Variants in CADPS2 observed in about 807,000 individuals in gnomAD.
CADPS2 encodes calcium-dependent secretion activator 2.
A neutral mutation model predicts 172.5 loss-of-function variants in CADPS2; 93 were observed. That is an observed-to-expected ratio of 0.54 (90% CI 0.46 to 0.64). CADPS2 has a LOEUF of 0.64. CADPS2 is among the 30% of genes least tolerant of loss of function. The probability of loss-of-function intolerance (pLI) is 0.00; values close to 1 mark genes in which losing one functional copy is unlikely to be tolerated. For missense variants in CADPS2, 1,420 were observed against 1,565.9 expected (o/e 0.91, Z 1.57); for synonymous variants, 546 against 555.2 (o/e 0.98, Z 0.23).
intron 1 of CADPS2, among the ~76,000 whole-genome samples, chr7:122,764,036 T>C (rs2093471249): frequency 6.6e-6 from 1 of 152,162 alleles, no homozygotes; most frequent in African/African-American, 2.4e-5. Context: ...ACCTCTAAGA[T>C]GCTCGAGCTT....
chr7:122,376,244 G>C (rs541687302), intron 25 of CADPS2, among the ~76,000 whole-genome samples: 1 of 152,268 alleles, frequency 6.6e-6, no homozygotes, highest in Admixed American at 6.5e-5. Context: ...CAAAGGAATT[G>C]AAATTAGTAT....
chr7:122,704,299 C>G (rs939385651), intron 2 of CADPS2, among the ~76,000 whole-genome samples: 7 of 151,134 alleles, frequency 4.6e-5, no homozygotes, highest in African/African-American at 1.7e-4. Context: ...CCCATTCATG[C>G]AATTCTGTTG....
chr7:122,672,181 G>A (rs2081937477), intron 2 of CADPS2, among the ~76,000 whole-genome samples: 1 of 152,180 alleles, frequency 6.6e-6, no homozygotes, highest in African/African-American at 2.4e-5. Context: ...AACTAACAAT[G>A]ATGGGTTTAC....
At chr7:122,462,666 T>A (rs2054603162) in intron 14 of CADPS2, among the ~76,000 whole-genome samples, 1 of 152,202 alleles carries the variant, frequency 6.6e-6, no homozygotes, top group African/African-American at 2.4e-5. Context: ...GCTAACGATG[T>A]GAACATGCAT....
intron 1 of CADPS2, among the ~76,000 whole-genome samples, chr7:122,817,874 T>G (rs1228790982): frequency 6.6e-6 from 1 of 150,490 alleles, no homozygotes; most frequent in Non-Finnish European, 1.5e-5. Flanking sequence ...CCCCGACCTC[T>G]TATCTCTGCG....
chr7:122,712,318 CTAAG>C (rs1346172830), intron 2 of CADPS2, among the ~76,000 whole-genome samples: 1 of 152,138 alleles, frequency 6.6e-6, no homozygotes, highest in Non-Finnish European at 1.5e-5. Flanking sequence ...TCTGGCATGA[CTAAG>C]GACCTGCCAT....
At chr7:122,782,253 G>A (rs1452887602) in intron 1 of CADPS2, among the ~76,000 whole-genome samples, 1 of 152,144 alleles carries the variant, frequency 6.6e-6, no homozygotes, top group Non-Finnish European at 1.5e-5. Context: ...ACATTAGTAA[G>A]AGGGATAATC....
intron 2 of CADPS2, among the ~76,000 whole-genome samples, chr7:122,670,215 C>G (rs139256960): frequency 2.5e-3 from 381 of 152,128 alleles, no homozygotes; most frequent in Non-Finnish European, 4.5e-3. Context: ...AAATCCTTCT[C>G]CAGCTTAAAA....
At chr7:122,415,601 CAAAAAAAA>C (rs549530021) in intron 18 of CADPS2, among the ~76,000 whole-genome samples, 3 of 64,960 alleles carry the variant, frequency 4.6e-5, no homozygotes, top group Non-Finnish European at 1.0e-4. Context: ...AATACAGAAC[CAAAAAAAA>C]AAAAAAAAAA....
At chr7:122,347,845 T>C (rs975946760) in intron 27 of CADPS2, among the ~76,000 whole-genome samples, 1 of 152,222 alleles carries the variant, frequency 6.6e-6, no homozygotes, top group Admixed American at 6.5e-5. Flanking sequence ...ACTCCTAAGA[T>C]ACATATTTCT....
intron 8 of CADPS2, among the ~76,000 whole-genome samples, chr7:122,536,896 C>T (rs1373131194): frequency 6.6e-6 from 1 of 151,898 alleles, no homozygotes; most frequent in Non-Finnish European, 1.5e-5. Flanking sequence ...AATGAAATGC[C>T]TGATGAATGA....
intron 8 of CADPS2, among the ~76,000 whole-genome samples, chr7:122,527,212 T>G (rs2061306375): frequency 6.6e-6 from 1 of 152,074 alleles, no homozygotes; most frequent in South Asian, 2.1e-4. Flanking sequence ...GCAGCTGCTG[T>G]GAAAACAGGC....
At chr7:122,827,564 G>A (rs1369029413) in intron 1 of CADPS2, among the ~76,000 whole-genome samples, 8 of 151,826 alleles carry the variant, frequency 5.3e-5, no homozygotes, top group South Asian at 2.1e-4. Context: ...CCTGGGAGGC[G>A]GAGGTTCTGG....
chr7:122,869,830 G>C lies in CADPS2; in HGVS notation c.339+16169C>G, dbSNP rs1187990940. On this transcript the variant is annotated intron_variant, in intron 1 of 29. Coordinates refer to ENST00000449022, the MANE Select transcript of CADPS2 (RefSeq NM_017954.11). ...ATGTCATGAATAATAAATTGTGAAT[G>C]GGAAAAGAGTAAAAGTATAGAGTTT... Among the ~76,000 whole-genome samples the C allele has an allele frequency of 1.3e-5, 2 of 152,054 alleles. 1 individual carries two copies. The highest frequency in any genetic ancestry group is 3.9e-4 in the East Asian group (2 of 5,192).
chr7:122,380,241 TA>T, intron 24 of CADPS2, among the ~76,000 whole-genome samples: 1 of 152,242 alleles, frequency 6.6e-6, no homozygotes, highest in East Asian at 1.9e-4. Context: ...CACATCCATT[TA>T]AACAGTAATT....
At chr7:122,406,004 G>C (rs1225587337) in intron 20 of CADPS2, among the ~76,000 whole-genome samples, 1 of 152,214 alleles carries the variant, frequency 6.6e-6, no homozygotes, top group East Asian at 1.9e-4. Flanking sequence ...CAAGTAGTAA[G>C]TGACAGAGAG....
chr7:122,693,156 G>C (rs1204565743), intron 2 of CADPS2, among the ~76,000 whole-genome samples: 1 of 152,120 alleles, frequency 6.6e-6, no homozygotes, highest in African/African-American at 2.4e-5. Flanking sequence ...AAAATTCCAT[G>C]TGACACTCAA....
At chr7:122,808,355 C>A (rs1383776763) in intron 1 of CADPS2, among the ~76,000 whole-genome samples, 1 of 152,170 alleles carries the variant, frequency 6.6e-6, no homozygotes, top group East Asian at 1.9e-4. Context: ...TGTGGTTTTG[C>A]AATATCAAAG....
intron 13 of CADPS2, among the ~76,000 whole-genome samples, chr7:122,473,599 G>T (rs1018840748): frequency 6.6e-6 from 1 of 152,158 alleles, no homozygotes; most frequent in Admixed American, 6.5e-5. Flanking sequence ...TATGCTCAGT[G>T]TCCAAGAGAT....
Sources: gnomAD v4.1 joint callset for allele counts (sites outside exome capture counted in the v4.1 genomes callset) on GRCh38, gnomAD v4.1.1 for gene constraint, MANE v1.5 for transcripts, NCBI Gene and HGNC (gene_info 2026-07-23, HGNC 2026-07-21) for gene names.